OXCT1: variants seen among roughly 807,000 people sequenced by gnomAD.
The protein encoded by OXCT1 is succinyl-CoA:3-ketoacid coenzyme A transferase 1, mitochondrial.
A neutral mutation model predicts 69.6 loss-of-function variants in OXCT1; 27 were observed. That is an observed-to-expected ratio of 0.39 (90% confidence interval 0.29 to 0.54). The LOEUF (loss-of-function observed/expected upper bound fraction) is 0.54, where lower values mean the gene tolerates loss of function less well. OXCT1 is among the 20% of genes least tolerant of loss of function. OXCT1 has a pLI of 0.72. For missense variants in OXCT1, 437 were observed against 650.2 expected (o/e 0.67, Z 3.57); for synonymous variants, 202 against 217.8 (o/e 0.93, Z 0.64).
At chr5:41,767,540 C>T (rs572873600) in intron 13 of OXCT1, among the ~76,000 whole-genome samples, 105 of 151,530 alleles carry the variant, frequency 6.9e-4, no homozygotes, top group South Asian at 2.5e-3. Context: ...CCAGTTTCTC[C>T]ATCCTCTCTC....
chr5:41,859,910 AC>A (rs1749659872), intron 3 of OXCT1, among the ~76,000 whole-genome samples: 2 of 120,426 alleles, frequency 1.7e-5, no homozygotes, highest in Admixed American at 1.9e-4. Context: ...ATATATATAC[AC>A]ACACACACAC....
At chr5:41,763,789 A>G (rs577365873) in intron 13 of OXCT1, among the ~76,000 whole-genome samples, 15 of 152,268 alleles carry the variant, frequency 9.9e-5, no homozygotes, top group Non-Finnish European at 2.1e-4. Flanking sequence ...TTGAATTAAA[A>G]AAAAGTCCCT....
At chr5:41,771,272 A>T (rs1047815843) in intron 13 of OXCT1, among the ~76,000 whole-genome samples, 1 of 152,210 alleles carries the variant, frequency 6.6e-6, no homozygotes, top group Non-Finnish European at 1.5e-5. Context: ...ATTCCAATGC[A>T]TACAAAATTG....
At chr5:41,861,605 T>C (rs1561137020) in intron 2 of OXCT1, among the ~76,000 whole-genome samples, 1 of 152,232 alleles carries the variant, frequency 6.6e-6, no homozygotes, top group Non-Finnish European at 1.5e-5. Context: ...ATATCACATA[T>C]CACTGCCCAG....
intron 3 of OXCT1, among the ~76,000 whole-genome samples, chr5:41,856,785 G>C (rs941493153): frequency 1.3e-5 from 2 of 152,174 alleles, no homozygotes; most frequent in Non-Finnish European, 2.9e-5. Flanking sequence ...ATTTTCAAGA[G>C]TGTACTTTTG....
At chr5:41,840,659 A>C in intron 6 of OXCT1, 148 bp from the exon 7 acceptor site, 1 of 578,766 alleles carries the variant, frequency 1.7e-6, no homozygotes, top group South Asian at 2.6e-5. Flanking sequence ...TTCCATTAAT[A>C]AAGTTTCATA....
At chr5:41,789,593 G>A in intron 13 of OXCT1, among the ~76,000 whole-genome samples, 1 of 151,842 alleles carries the variant, frequency 6.6e-6, no homozygotes, top group South Asian at 2.1e-4. Flanking sequence ...TTAAGCTCAA[G>A]TCTGTCTAAT....
intron 7 of OXCT1, among the ~76,000 whole-genome samples, chr5:41,836,542 A>G (rs777236020): frequency 5.3e-5 from 8 of 152,204 alleles, no homozygotes; most frequent in Non-Finnish European, 8.8e-5. Flanking sequence ...ACTAGGGATC[A>G]GTTTTGTGGA....
chr5:41,844,640 G>A (rs571276788), intron 5 of OXCT1, among the ~76,000 whole-genome samples: 3 of 151,852 alleles, frequency 2.0e-5, no homozygotes, highest in Admixed American at 6.6e-5. Flanking sequence ...CCCCTGATAT[G>A]ACGTTCACTA....
At chr5:41,772,082 AAATAT>A (rs2112141853) in intron 13 of OXCT1, among the ~76,000 whole-genome samples, 1 of 152,346 alleles carries the variant, frequency 6.6e-6, no homozygotes, top group African/African-American at 2.4e-5. Flanking sequence ...GCATGTACTA[AAATAT>A]ATTAATCTCC....
chr5:41,854,439 A>G (rs1749334081), intron 3 of OXCT1, among the ~76,000 whole-genome samples: 1 of 152,212 alleles, frequency 6.6e-6, no homozygotes, highest in Non-Finnish European at 1.5e-5. Flanking sequence ...AACAAGATAG[A>G]TAACTGAATG....
chr5:41,819,158 G>A (rs1747403126), intron 7 of OXCT1, among the ~76,000 whole-genome samples: 1 of 152,084 alleles, frequency 6.6e-6, no homozygotes, highest in Admixed American at 6.5e-5. Flanking sequence ...AAATCGATAA[G>A]TAGGTCAAAA....
chr5:41,757,874 C>G (rs546519994), intron 14 of OXCT1, among the ~76,000 whole-genome samples: 1 of 152,000 alleles, frequency 6.6e-6, no homozygotes, highest in African/African-American at 2.4e-5. Flanking sequence ...TGCTGGGGAG[C>G]GAATCGCAAA....
chr5:41,763,115 G>A (rs1289953903), intron 13 of OXCT1, among the ~76,000 whole-genome samples: 1 of 152,072 alleles, frequency 6.6e-6, no homozygotes, highest in Non-Finnish European at 1.5e-5. Flanking sequence ...TAATGTTAGA[G>A]CTATAAGGAG....
At chr5:41,828,540 TG>T (rs747331916) in intron 7 of OXCT1, among the ~76,000 whole-genome samples, 6 of 152,188 alleles carry the variant, frequency 3.9e-5, no homozygotes, top group Non-Finnish European at 8.8e-5. Context: ...ATCATATTAA[TG>T]TCAGATCTAT....
chr5:41,837,031 A>G (rs1748398142), intron 7 of OXCT1, among the ~76,000 whole-genome samples: 1 of 152,226 alleles, frequency 6.6e-6, no homozygotes, highest in Admixed American at 6.5e-5. Context: ...TAAAAATTAT[A>G]AACAAAAAAG....
intron 14 of OXCT1, among the ~76,000 whole-genome samples, chr5:41,752,305 A>G (rs1007104152): frequency 3.3e-5 from 5 of 152,142 alleles, no homozygotes; most frequent in African/African-American, 1.2e-4. Context: ...ATCAAATGAA[A>G]TGTTCTGAAA....
chr5:41,866,708 A>T (rs1561141076), intron 1 of OXCT1, among the ~76,000 whole-genome samples: 2 of 152,218 alleles, frequency 1.3e-5, no homozygotes, highest in East Asian at 3.8e-4. Context: ...CAAGGAGCTC[A>T]CAGAGAGTTA....
At chr5:41,811,408 A>G (rs928989528) in intron 7 of OXCT1, among the ~76,000 whole-genome samples, 3 of 152,042 alleles carry the variant, frequency 2.0e-5, no homozygotes, top group Admixed American at 2.0e-4. Context: ...TATCACAGGT[A>G]CCCTGAAAAC....
Sources: gnomAD v4.1 joint callset for allele counts (sites outside exome capture counted in the v4.1 genomes callset) on GRCh38, gnomAD v4.1.1 for gene constraint, MANE v1.5 for transcripts, NCBI Gene and HGNC (gene_info 2026-07-23, HGNC 2026-07-21) for gene names.